GAREM1: variants seen among roughly 807,000 people sequenced by gnomAD.
The protein encoded by GAREM1 is GRB2 associated regulator of MAPK1 subtype 1.
In GAREM1, 26 loss-of-function variants were observed where a neutral mutation model predicts 71.3. The ratio of observed to expected loss-of-function variants is 0.36; its 90% CI spans 0.27 to 0.51. The LOEUF is 0.51. Ranked by LOEUF, GAREM1 falls within the 20% of genes least tolerant of loss-of-function variation. The probability of loss-of-function intolerance (pLI) is 0.95; values close to 1 mark genes in which losing one functional copy is unlikely to be tolerated. For synonymous variants in GAREM1, 440 were observed against 433.2 expected (o/e 1.02, Z -0.20); for missense variants, 1,026 against 1,103.1 (o/e 0.93, Z 0.99).
chr18:32,453,454 G>A (rs1452080125), intron 1 of GAREM1, among the ~76,000 whole-genome samples: 1 of 152,154 alleles, frequency 6.6e-6, no homozygotes, highest in Admixed American at 6.5e-5. Flanking sequence ...TGCAGGCACA[G>A]CCACACTTCC....
intron 2 of GAREM1, among the ~76,000 whole-genome samples, chr18:32,383,010 T>A (rs1329952835): frequency 6.6e-6 from 1 of 152,214 alleles, no homozygotes. Context: ...ATCTTTCTCA[T>A]GTCTATGTGT....
chr18:32,378,943 C>G (rs773363414), intron 2 of GAREM1, among the ~76,000 whole-genome samples: 3 of 152,148 alleles, frequency 2.0e-5, no homozygotes, highest in Admixed American at 1.3e-4. Context: ...TCACTGCTTA[C>G]GGGAGACAGA....
In GAREM1 at chr18:32,268,396, A is replaced by G. The variant is rs749777258; in HGVS notation, c.2106T>C (p.Ser702=). 2 of 1,614,072 alleles carry G rather than the reference A, an allele frequency of 1.2e-6. No individual in the cohort carries two copies. Among genetic ancestry groups the G allele is most frequent in the Admixed American group, 1.7e-5 (1 of 60,000 alleles). Reference sequence around the variant, plus strand: ...GAGATTTCACATCTGTGCTCTCCAGAGAGTAGCTGGCTGACTTGGGACAAC... The same window carrying G: ...GAGATTTCACATCTGTGCTCTCCAGGGAGTAGCTGGCTGACTTGGGACAAC... The part of the protein sequence containing the change: ...VSGCPKSASY[S]LESTDVKSLA... The change falls in exon 6 of 6, where the codon TCT becomes TCC. Residue 702 remains serine, a synonymous_variant. Transcript: ENST00000269209.
chr18:32,289,062 G>A (rs768866064), intron 3 of GAREM1, among the ~76,000 whole-genome samples: 8 of 152,040 alleles, frequency 5.3e-5, no homozygotes, highest in South Asian at 2.1e-4. Flanking sequence ...CAAAAGCTAC[G>A]CATATATTTG....
intron 1 of GAREM1, among the ~76,000 whole-genome samples, chr18:32,394,183 T>TC (rs2048229389): frequency 6.6e-6 from 1 of 152,144 alleles, no homozygotes; most frequent in African/African-American, 2.4e-5. Flanking sequence ...GAGGATGGCT[T>TC]GAGTCCAGGA....
chr18:32,467,792 T>C (rs1470252016), intron 1 of GAREM1, among the ~76,000 whole-genome samples: 2 of 152,166 alleles, frequency 1.3e-5, no homozygotes, highest in Admixed American at 6.5e-5. Context: ...ATGTAAAATG[T>C]ACCTGCAGTA....
intron 2 of GAREM1, among the ~76,000 whole-genome samples, chr18:32,361,955 C>T (rs556603831): frequency 6.6e-6 from 1 of 152,174 alleles, no homozygotes; most frequent in African/African-American, 2.4e-5. Flanking sequence ...GTATGAATTA[C>T]ACTTGAAAAA....
intron 4 of GAREM1, among the ~76,000 whole-genome samples, chr18:32,278,291 CCTT>C (rs2041568918): frequency 1.3e-5 from 2 of 152,120 alleles, no homozygotes; most frequent in Admixed American, 1.3e-4. Context: ...CCTGAGTTAA[CCTT>C]CTAGAATCAA....
chr18:32,283,502 G>A (rs555633208), intron 4 of GAREM1, among the ~76,000 whole-genome samples: 3 of 152,066 alleles, frequency 2.0e-5, no homozygotes, highest in East Asian at 1.9e-4. Flanking sequence ...AGCCAAGATC[G>A]TGCACTGCAC....
At chr18:32,376,015 T>C (rs566865311) in intron 2 of GAREM1, among the ~76,000 whole-genome samples, 1 of 152,334 alleles carries the variant, frequency 6.6e-6, no homozygotes, top group East Asian at 1.9e-4. Flanking sequence ...GGCAATAATC[T>C]TGTGAACATT....
At chr18:32,340,382 G>C (rs2047636411) in intron 2 of GAREM1, among the ~76,000 whole-genome samples, 1 of 152,196 alleles carries the variant, frequency 6.6e-6, no homozygotes, top group African/African-American at 2.4e-5. Context: ...CCAGGTCAAA[G>C]CTTCCCAGGG....
chr18:32,397,875 C>G (rs2048273235), intron 1 of GAREM1, among the ~76,000 whole-genome samples: 1 of 152,186 alleles, frequency 6.6e-6, no homozygotes, highest in South Asian at 2.1e-4. Context: ...TTTTCAGCAC[C>G]ACAACGCACT....
chr18:32,407,318 G>A (rs1009179586), intron 1 of GAREM1, among the ~76,000 whole-genome samples: 4 of 152,192 alleles, frequency 2.6e-5, no homozygotes, highest in African/African-American at 9.6e-5. Context: ...CCCTGTGTAT[G>A]AAAAGGATCT....
intron 1 of GAREM1, among the ~76,000 whole-genome samples, chr18:32,463,097 AG>A (rs1007553177): frequency 1.3e-5 from 2 of 150,946 alleles, no homozygotes; most frequent in Middle Eastern, 3.2e-3. Flanking sequence ...CAAAAAAAAA[AG>A]ATAAATATTT....
intron 1 of GAREM1, among the ~76,000 whole-genome samples, chr18:32,403,546 A>T (rs2144674525): frequency 6.6e-6 from 1 of 152,142 alleles, no homozygotes; most frequent in South Asian, 2.1e-4. Flanking sequence ...CTCAAGTGCT[A>T]CCTTTGTGAA....
chr18:32,295,761 G>A (rs2047133444), intron 3 of GAREM1, among the ~76,000 whole-genome samples: 1 of 152,120 alleles, frequency 6.6e-6, no homozygotes. Context: ...AGAAATGACA[G>A]CACAATATTG....
intron 4 of GAREM1, among the ~76,000 whole-genome samples, chr18:32,277,844 A>C (rs1463925163): frequency 6.6e-6 from 1 of 152,236 alleles, no homozygotes; most frequent in Non-Finnish European, 1.5e-5. Flanking sequence ...TCATTGCATG[A>C]GTGGAAAGCA....
chr18:32,302,665 C>A (rs2047212370), intron 3 of GAREM1, among the ~76,000 whole-genome samples: 1 of 152,094 alleles, frequency 6.6e-6, no homozygotes, highest in African/African-American at 2.4e-5. Flanking sequence ...AAACATCAAA[C>A]TCATGGATAC....
At chr18:32,466,854 C>T (rs1156720707) in intron 1 of GAREM1, among the ~76,000 whole-genome samples, 1 of 152,164 alleles carries the variant, frequency 6.6e-6, no homozygotes, top group Admixed American at 6.5e-5. Flanking sequence ...CTCATCAAAT[C>T]TCCCAAGGAG....
Sources: allele counts gnomAD v4.1 joint callset (sites outside exome capture counted in the v4.1 genomes callset), GRCh38; gene constraint gnomAD v4.1.1; transcripts MANE v1.5; gene names NCBI Gene and HGNC (gene_info 2026-07-23, HGNC 2026-07-21).